The following MYO1D variants were observed in gnomAD, a reference collection of about 807,000 sequenced individuals.
MYO1D encodes the protein unconventional myosin-Id.
In MYO1D, 83 loss-of-function variants were observed where a neutral mutation model predicts 122.0. The observed-to-expected ratio is 0.68, with a 90% CI of 0.57 to 0.82. The LOEUF is 0.82. Among genes scored for constraint, MYO1D ranks in the 40% least tolerant of loss-of-function variants. MYO1D has a pLI of 0.00. For missense variants in MYO1D, 1,157 were observed against 1,269.5 expected (o/e 0.91, Z 1.35); for synonymous variants, 464 against 446.9 (o/e 1.04, Z -0.48).
chr17:32,707,101 AAC>A (rs2089319175), intron 16 of MYO1D, among the ~76,000 whole-genome samples: 2 of 152,316 alleles, frequency 1.3e-5, no homozygotes, highest in South Asian at 2.1e-4. Flanking sequence ...GTTTACGATT[AAC>A]AGAGTCAAAT....
chr17:32,632,953 C>G (rs538115668), intron 20 of MYO1D, among the ~76,000 whole-genome samples: 1 of 151,966 alleles, frequency 6.6e-6, no homozygotes, highest in East Asian at 1.9e-4. Flanking sequence ...AATGATCTCC[C>G]CCGCACAGAA....
intron 21 of MYO1D, among the ~76,000 whole-genome samples, chr17:32,571,133 C>G (rs1223301478): frequency 1.3e-5 from 2 of 152,098 alleles, no homozygotes; most frequent in Admixed American, 6.5e-5. Context: ...GTTTCTACCA[C>G]TGGTGCTAGA....
chr17:32,758,897 AT>A (rs1397214672), intron 10 of MYO1D, among the ~76,000 whole-genome samples: 1 of 152,032 alleles, frequency 6.6e-6, no homozygotes, highest in African/African-American at 2.4e-5. Context: ...GGGATTCTTA[AT>A]TCTTTTTGAG....
intron 20 of MYO1D, among the ~76,000 whole-genome samples, chr17:32,615,757 T>C (rs910532436): frequency 3.9e-5 from 6 of 152,172 alleles, no homozygotes; most frequent in African/African-American, 1.2e-4. Context: ...TAAAGATCTT[T>C]AGGGCATGCC....
chr17:32,629,396 G>C (rs1022007211), intron 20 of MYO1D, among the ~76,000 whole-genome samples: 2 of 151,992 alleles, frequency 1.3e-5, no homozygotes, highest in African/African-American at 4.8e-5. Flanking sequence ...GAGGTTGGGG[G>C]GTTTCAGGAA....
At chr17:32,521,812 G>A (rs1448791297) in intron 21 of MYO1D, among the ~76,000 whole-genome samples, 4 of 152,090 alleles carry the variant, frequency 2.6e-5, no homozygotes, top group African/African-American at 7.2e-5. Flanking sequence ...GGCCAGGCGC[G>A]GTGGCTCACG....
intron 21 of MYO1D, among the ~76,000 whole-genome samples, chr17:32,583,039 A>G (rs538163321): frequency 4.0e-4 from 61 of 152,226 alleles, no homozygotes; most frequent in Middle Eastern, 3.4e-3. Context: ...ATTCTTTCTG[A>G]AGGACTTTAA....
rs766821443 is a variant in MYO1D at position 32,659,297 on chromosome 17, G to A, written c.2163C>T (p.Thr721=). 6.2e-7 allele frequency: 1 copy of A among 1,614,206 alleles called. No individual in the cohort carries two copies. The highest frequency in any genetic ancestry group is 8.5e-7 in the Non-Finnish European group (1 of 1,180,042). The change falls in exon 17 of 22, where the codon ACC becomes ACT. Residue 721 remains threonine (T), a synonymous_variant. Transcript: ENST00000318217. ...ACCTGATTATTGTCAGAGCTGCCTT[G>A]GTTCTTTTGTACCGCATGCGGGCCA... ...GTLARMRYKR[T]KAALTIIRYY... is the part of the protein sequence containing the mutation.
intron 16 of MYO1D, among the ~76,000 whole-genome samples, chr17:32,708,078 T>C (rs1348544018): frequency 6.6e-6 from 1 of 152,216 alleles, no homozygotes; most frequent in East Asian, 1.9e-4. Flanking sequence ...TGCTGAGTCC[T>C]GTGAATCCTT....
intron 16 of MYO1D, among the ~76,000 whole-genome samples, chr17:32,667,017 T>G (rs939077763): frequency 1.3e-5 from 2 of 152,252 alleles, no homozygotes; most frequent in Non-Finnish European, 2.9e-5. Context: ...GAGATAAGTC[T>G]ACATAACCCA....
chr17:32,678,237 C>T (rs1156764115), intron 16 of MYO1D, among the ~76,000 whole-genome samples: 2 of 147,580 alleles, frequency 1.4e-5, no homozygotes, highest in Non-Finnish European at 1.5e-5. Context: ...CCTGACCATC[C>T]TCTCAAAAAT....
At chr17:32,598,647 C>T (rs2087526274) in intron 21 of MYO1D, among the ~76,000 whole-genome samples, 1 of 152,156 alleles carries the variant, frequency 6.6e-6, no homozygotes, top group East Asian at 1.9e-4. Flanking sequence ...AAGTGAATAT[C>T]ACAATAAAGC....
At chr17:32,542,801 T>G (rs1429442434) in intron 21 of MYO1D, among the ~76,000 whole-genome samples, 2 of 152,040 alleles carry the variant, frequency 1.3e-5, no homozygotes, top group African/African-American at 4.8e-5. Context: ...CTCCAACCCT[T>G]AGAAGTAGTG....
intron 1 of MYO1D, among the ~76,000 whole-genome samples, chr17:32,821,510 C>T (rs2090664007): frequency 6.6e-6 from 1 of 150,736 alleles, no homozygotes; most frequent in Non-Finnish European, 1.5e-5. Flanking sequence ...AACTGCCAAC[C>T]TTTGTCAGCT....
At chr17:32,764,783 C>T (rs563651860) in intron 8 of MYO1D, 95 bp downstream of exon 8, 1 of 1,332,096 alleles carries the variant, frequency 7.5e-7, no homozygotes, top group Non-Finnish European at 1.1e-6. Flanking sequence ...AGCCTTAACC[C>T]TCTTTCAAGA....
chr17:32,618,928 C>G (rs1411532598), intron 20 of MYO1D, among the ~76,000 whole-genome samples: 1 of 152,128 alleles, frequency 6.6e-6, no homozygotes, highest in African/African-American at 2.4e-5. Context: ...AGTCACTGTG[C>G]CTCGCAACTC....
chr17:32,662,628 G>A (rs375705252), intron 16 of MYO1D, among the ~76,000 whole-genome samples: 3 of 151,924 alleles, frequency 2.0e-5, no homozygotes, highest in South Asian at 4.1e-4. Flanking sequence ...AGCTGAGATC[G>A]CACCATTGCA....
intron 2 of MYO1D, among the ~76,000 whole-genome samples, 161 bp downstream of exon 2, chr17:32,780,415 T>C (rs1012497119): frequency 7.2e-5 from 11 of 152,120 alleles, no homozygotes; most frequent in African/African-American, 1.9e-4. Context: ...AGAAATGATA[T>C]AAATAATTTG....
chr17:32,559,769 C>T (rs1189568114), intron 21 of MYO1D, among the ~76,000 whole-genome samples: 1 of 152,144 alleles, frequency 6.6e-6, no homozygotes, highest in African/African-American at 2.4e-5. Context: ...ATACGTTTTA[C>T]TATCTTTAAC....
Sources: allele counts gnomAD v4.1 joint callset (sites outside exome capture counted in the v4.1 genomes callset), GRCh38; gene constraint gnomAD v4.1.1; transcripts MANE v1.5; gene names NCBI Gene and HGNC (gene_info 2026-07-23, HGNC 2026-07-21).